Variants in COTL1 observed in about 807,000 individuals in gnomAD.
COTL1 encodes the protein coactosin like F-actin binding protein 1.
In COTL1, 15 loss-of-function variants were observed where a neutral mutation model predicts 16.5. That is an observed-to-expected ratio of 0.91 (90% CI 0.61 to 1.40). COTL1 has a LOEUF of 1.40. Ranked by LOEUF, COTL1 falls within the 40% of genes most tolerant of loss-of-function variation. COTL1 has a pLI of 0.00. For synonymous variants in COTL1, 112 were observed against 85.3 expected, an observed-to-expected ratio of 1.31 and a Z score of -1.73; for missense variants, 220 against 201.5, an observed-to-expected ratio of 1.09 and a Z score of -0.56.
At chr16:84,601,904 C>A (rs1266884357) in intron 2 of COTL1, among the ~76,000 whole-genome samples, 1 of 152,200 alleles carries the variant, frequency 6.6e-6, no homozygotes, top group Non-Finnish European at 1.5e-5. Context: ...CCTTCCTCCA[C>A]CAGCCCTTCT....
At chr16:84,599,711 G>C (rs1373985252) in intron 2 of COTL1, among the ~76,000 whole-genome samples, 1 of 152,196 alleles carries the variant, frequency 6.6e-6, no homozygotes, top group Non-Finnish European at 1.5e-5. Flanking sequence ...TCACTCTAAA[G>C]CTGCCCTAAC....
Position 84,603,977 on chromosome 16 carries a change from C to G in COTL1, c.160+13524G>C, listed in dbSNP as rs546732729. ...CCCACTTTCTACCCGCCACTCCCCA[C>G]CCACCTCCCTCCCTGATGGCCCCCA... On this transcript the variant is annotated intron_variant, in intron 2 of 3. Transcript: ENST00000262428. Among the ~76,000 whole-genome samples the G allele has an allele frequency of 4.0e-3, 571 of 143,044 alleles. 6 individuals carry two copies. Among genetic ancestry groups the G allele is most frequent in the African/African-American group, 0.015 (544 of 37,456 alleles). 93.8% of individuals were successfully genotyped at this position (143,044 alleles called of 152,430 possible).
chr16:84,580,068 G>C (rs1338788995), intron 3 of COTL1, among the ~76,000 whole-genome samples: 1 of 152,226 alleles, frequency 6.6e-6, no homozygotes, highest in African/African-American at 2.4e-5. Flanking sequence ...GCAGGTGCCT[G>C]GGGCAGGTAC....
intron 3 of COTL1, among the ~76,000 whole-genome samples, chr16:84,584,244 C>T (rs886636450): frequency 6.6e-6 from 1 of 152,370 alleles, no homozygotes; most frequent in South Asian, 2.1e-4. Flanking sequence ...ATCGCCCTGC[C>T]CAGCTTGCCT....
chr16:84,583,862 A>C (rs1904658299), intron 3 of COTL1, among the ~76,000 whole-genome samples: 1 of 152,104 alleles, frequency 6.6e-6, no homozygotes, highest in Non-Finnish European at 1.5e-5. Context: ...TGGAGGCAGC[A>C]GCCTCTGTTG....
chr16:84,607,797 C>A (rs925492673), intron 2 of COTL1, among the ~76,000 whole-genome samples: 1 of 152,126 alleles, frequency 6.6e-6, no homozygotes, highest in Non-Finnish European at 1.5e-5. Context: ...AGGGAAAGGA[C>A]TCAACTCAGT....
chr16:84,601,686 C>G (rs1905107752), intron 2 of COTL1, among the ~76,000 whole-genome samples: 1 of 152,202 alleles, frequency 6.6e-6, no homozygotes, highest in Admixed American at 6.5e-5. Context: ...GAACTCTTGA[C>G]CTCGTGATCC....
intron 3 of COTL1, among the ~76,000 whole-genome samples, chr16:84,570,832 G>A (rs1900506305): frequency 1.3e-5 from 2 of 152,190 alleles, no homozygotes; most frequent in South Asian, 4.1e-4. Flanking sequence ...GGGTTAGAAA[G>A]CAAGTGTCTT....
In COTL1 at chr16:84,578,993, AC is replaced by A. The variant is rs1167625611; in HGVS notation, c.318+11111del. Among the ~76,000 whole-genome samples the A allele has an allele frequency of 3.3e-5, 5 of 152,106 alleles. No individual in the cohort carries two copies. The East Asian group carries it at 9.7e-4, about 29-fold the overall frequency. The stretch of plus-strand genomic sequence containing the variant: ...CATGCACATCCAAGCATGCGTACAC[AC>A]ATATACACATGCATGCACACACATC... On this transcript the variant is annotated intron_variant, in intron 3 of 3. Coordinates refer to ENST00000262428, the MANE Select transcript of COTL1 (RefSeq NM_021149.5).
intron 2 of COTL1, among the ~76,000 whole-genome samples, chr16:84,613,875 G>A (rs763464035): frequency 8.6e-5 from 13 of 151,834 alleles, no homozygotes; most frequent in South Asian, 8.3e-4. Context: ...GCCTGGCCAC[G>A]CAGAGTCTCC....
chr16:84,611,189 C>A (rs971828346), intron 2 of COTL1, among the ~76,000 whole-genome samples: 3 of 152,230 alleles, frequency 2.0e-5, no homozygotes, highest in Non-Finnish European at 4.4e-5. Flanking sequence ...CCAGCCTCAC[C>A]ACTGATGCTC....
chr16:84,604,741 A>G (rs1172628932), intron 2 of COTL1, among the ~76,000 whole-genome samples: 1 of 152,192 alleles, frequency 6.6e-6, no homozygotes, highest in Non-Finnish European at 1.5e-5. Flanking sequence ...GGGGTCACAC[A>G]GGGGCCGCCA....
intron 3 of COTL1, among the ~76,000 whole-genome samples, chr16:84,588,192 G>A (rs1302681211): frequency 1.3e-5 from 2 of 151,844 alleles, no homozygotes; most frequent in South Asian, 2.1e-4. Flanking sequence ...GCCAGCCTGG[G>A]CAATATAGTG....
chr16:84,571,891 C>T (rs552664137), intron 3 of COTL1, among the ~76,000 whole-genome samples: 433 of 152,304 alleles, frequency 2.8e-3, no homozygotes, highest in Non-Finnish European at 4.2e-3. Context: ...GTGGTCAGGC[C>T]GCATGGAGGG....
intron 3 of COTL1, chr16:84,568,551 G>C (rs1460124658): frequency 6.6e-6 from 1 of 152,198 alleles, no homozygotes; most frequent in Non-Finnish European, 1.5e-5. Flanking sequence ...CAGGCATGAA[G>C]ACCATGTACT....
chr16:84,613,738 C>G (rs567640470), intron 2 of COTL1, among the ~76,000 whole-genome samples: 1 of 152,306 alleles, frequency 6.6e-6, no homozygotes, highest in South Asian at 2.1e-4. Flanking sequence ...TGTTAAGGGG[C>G]AAATGGACAC....
intron 2 of COTL1, among the ~76,000 whole-genome samples, chr16:84,592,633 C>T (rs1169503561): frequency 6.6e-6 from 1 of 151,800 alleles, no homozygotes; most frequent in Non-Finnish European, 1.5e-5. Context: ...GCGTTTCTTC[C>T]TAGAATCTAA....
At chr16:84,607,343 G>A (rs59545905) in intron 2 of COTL1, among the ~76,000 whole-genome samples, 2,735 of 152,236 alleles carry the variant, frequency 0.018, 106 homozygotes, top group East Asian at 0.11. Flanking sequence ...GCAGGCCAGC[G>A]CGGCACAGGG....
At chr16:84,598,775 G>GACCAAGCGGGAGA (rs1308874612) in intron 2 of COTL1, among the ~76,000 whole-genome samples, 3 of 135,782 alleles carry the variant, frequency 2.2e-5, no homozygotes, top group African/African-American at 7.9e-5. Context: ...CCAAGCAGGA[G>GACCAAGCGGGAGA]ACCAAGCGGG....
Sources: gnomAD v4.1 joint callset for allele counts (sites outside exome capture counted in the v4.1 genomes callset) on GRCh38, gnomAD v4.1.1 for gene constraint, MANE v1.5 for transcripts, NCBI Gene and HGNC (gene_info 2026-07-23, HGNC 2026-07-21) for gene names.